Variants in BRINP3 observed in about 807,000 individuals in gnomAD.
BRINP3 encodes BMP/retinoic acid-inducible neural-specific protein 3.
A neutral mutation model predicts 71.0 loss-of-function variants in BRINP3; 19 were observed. The observed-to-expected ratio is 0.27, with a 90% CI of 0.19 to 0.39. BRINP3 has a LOEUF of 0.39. Ranked by LOEUF, BRINP3 falls within the 10% of genes least tolerant of loss-of-function variation. BRINP3 has a pLI of 1.00. For missense variants in BRINP3, 959 were observed against 940.8 expected (o/e 1.02, Z -0.25); for synonymous variants, 380 against 337.7 (o/e 1.13, Z -1.37).
chr1:190,170,403 A>G (rs1239374149), intron 6 of BRINP3, among the ~76,000 whole-genome samples: 3 of 152,134 alleles, frequency 2.0e-5, no homozygotes, highest in Admixed American at 6.6e-5. Context: ...TTAAGTATAT[A>G]TTTCTTAAAT....
At chr1:190,291,531 G>A (rs996423705) in intron 2 of BRINP3, among the ~76,000 whole-genome samples, 1 of 152,060 alleles carries the variant, frequency 6.6e-6, no homozygotes, top group African/African-American at 2.4e-5. Context: ...AGATCTAAAA[G>A]TGGCCACCAT....
intron 2 of BRINP3, among the ~76,000 whole-genome samples, chr1:190,376,842 T>C (rs1670216110): frequency 6.6e-6 from 1 of 152,014 alleles, no homozygotes; most frequent in Admixed American, 6.6e-5. Context: ...AATGTTTGTG[T>C]TTGTTTTTAA....
At chr1:190,152,541 C>T (rs1390930298) in intron 7 of BRINP3, among the ~76,000 whole-genome samples, 21 of 131,566 alleles carry the variant, frequency 1.6e-4, no homozygotes, top group East Asian at 1.2e-3. Flanking sequence ...ACCCCCCCCC[C>T]GCCCCCCAAA....
In BRINP3 at chr1:190,226,164, G is replaced by A. The variant is rs1657358320; in HGVS notation, c.879C>T (p.Ser293=). The A allele has an allele frequency of 5.0e-6, 8 of 1,612,386 alleles. No homozygotes were observed. Among genetic ancestry groups the A allele is most frequent in the Non-Finnish European group, 6.8e-6 (8 of 1,179,036 alleles). Residue 293 remains serine, a synonymous_variant, in exon 6 of 8, where the codon TCC becomes TCT. Coordinates refer to ENST00000367462, the MANE Select transcript of BRINP3 (RefSeq NM_199051.3). ...TCTCTTCCATGGCTTGAATGTCCAT[G>A]GAGGGGCAGTTGCATTCTGGAAATT... is the stretch of plus-strand genomic sequence containing the variant. The part of the protein sequence containing the change: ...GPKFPECNCP[S]MDIQAMEENL...
At chr1:190,375,377 G>A (rs951716338) in intron 2 of BRINP3, among the ~76,000 whole-genome samples, 2 of 151,788 alleles carry the variant, frequency 1.3e-5, no homozygotes, top group South Asian at 2.1e-4. Context: ...CTGGAAAAGA[G>A]CACTCTAACT....
At chr1:190,289,439 G>T (rs2102961525) in intron 2 of BRINP3, among the ~76,000 whole-genome samples, 1 of 151,978 alleles carries the variant, frequency 6.6e-6, no homozygotes, top group Non-Finnish European at 1.5e-5. Context: ...ATATACATCA[G>T]ATAGGGAGAC....
chr1:190,470,359 G>T (rs1354821884), intron 1 of BRINP3, among the ~76,000 whole-genome samples: 6 of 150,936 alleles, frequency 4.0e-5, no homozygotes, highest in Admixed American at 6.6e-5. Flanking sequence ...AAATTCTAAT[G>T]TAATGTTCAT....
intron 1 of BRINP3, among the ~76,000 whole-genome samples, chr1:190,470,659 A>T (rs1005742141): frequency 6.6e-6 from 1 of 151,174 alleles, no homozygotes; most frequent in Non-Finnish European, 1.5e-5. Flanking sequence ...AAATAGAAGA[A>T]TGAGAATCTA....
At chr1:190,293,360 T>G (rs1013365778) in intron 2 of BRINP3, among the ~76,000 whole-genome samples, 15 of 152,184 alleles carry the variant, frequency 9.9e-5, no homozygotes. Context: ...ATTTCTAGTT[T>G]TAGTCCATTA....
intron 7 of BRINP3, among the ~76,000 whole-genome samples, chr1:190,114,518 G>T (rs1652963102): frequency 6.8e-6 from 1 of 146,802 alleles, no homozygotes; most frequent in Admixed American, 6.8e-5. Flanking sequence ...TTAGAAATAA[G>T]TTTGCCACTG....
chr1:190,247,505 T>G (rs2102798239), intron 4 of BRINP3, among the ~76,000 whole-genome samples: 1 of 152,022 alleles, frequency 6.6e-6, no homozygotes, highest in Middle Eastern at 3.4e-3. Flanking sequence ...TATTGGATTT[T>G]TGAAAATATA....
chr1:190,440,851 C>G (rs1199800276), intron 2 of BRINP3, among the ~76,000 whole-genome samples: 1 of 151,754 alleles, frequency 6.6e-6, no homozygotes, highest in Non-Finnish European at 1.5e-5. Context: ...AAAGTCACAA[C>G]CTAAGTAAAC....
intron 6 of BRINP3, among the ~76,000 whole-genome samples, chr1:190,206,975 T>G (rs1655558449): frequency 6.6e-6 from 1 of 150,750 alleles, no homozygotes; most frequent in African/African-American, 2.4e-5. Flanking sequence ...GGGTTTTTTT[T>G]TTGTTTTGTT....
intron 4 of BRINP3, among the ~76,000 whole-genome samples, chr1:190,263,660 G>T (rs994588387): frequency 7.1e-5 from 10 of 141,306 alleles, no homozygotes; most frequent in Non-Finnish European, 1.5e-4. Context: ...TGTGATCTCC[G>T]CTCACTGCAA....
At chr1:190,383,594 T>C (rs1670689048) in intron 2 of BRINP3, among the ~76,000 whole-genome samples, 1 of 151,998 alleles carries the variant, frequency 6.6e-6, no homozygotes, top group Admixed American at 6.6e-5. Flanking sequence ...GAAACATGAG[T>C]AGTGAAATAA....
At position 190,206,034 on chromosome 1, in the gene BRINP3, T is replaced by C. The variant is rs759266164; in HGVS notation, c.961+20048A>G. Among the ~76,000 whole-genome samples, 3 of 152,030 alleles carry C rather than the reference T, an allele frequency of 2.0e-5. No homozygotes were observed. The East Asian group carries it at 5.8e-4, about 29-fold the overall frequency. Reference sequence around the variant, plus strand: ...ACCAGGCTTAAAAAAGAAATCCTACTATATTGCTGCTTAGGTGGAAATCTT... The same window carrying C: ...ACCAGGCTTAAAAAAGAAATCCTACCATATTGCTGCTTAGGTGGAAATCTT... On this transcript the variant is annotated intron_variant, in intron 6 of 7. Coordinates refer to ENST00000367462, the MANE Select transcript of BRINP3 (RefSeq NM_199051.3).
chr1:190,108,933 A>G (rs1386230564), intron 7 of BRINP3, among the ~76,000 whole-genome samples: 1 of 152,118 alleles, frequency 6.6e-6, no homozygotes, highest in Non-Finnish European at 1.5e-5. Flanking sequence ...ATCAGCTGGC[A>G]GGAAGATAGA....
chr1:190,400,279 G>A (rs967835335), intron 2 of BRINP3, among the ~76,000 whole-genome samples: 3 of 152,074 alleles, frequency 2.0e-5, no homozygotes, highest in Non-Finnish European at 4.4e-5. Context: ...AGAATTGTAA[G>A]CTATAACTTA....
chr1:190,276,605 G>A (rs1395929026), intron 3 of BRINP3, among the ~76,000 whole-genome samples: 2 of 149,990 alleles, frequency 1.3e-5, no homozygotes, highest in African/African-American at 4.9e-5. Context: ...TTAGATAAGT[G>A]AACTACATTG....
Sources: allele counts gnomAD v4.1 joint callset (sites outside exome capture counted in the v4.1 genomes callset), GRCh38; gene constraint gnomAD v4.1.1; transcripts MANE v1.5; gene names NCBI Gene and HGNC (gene_info 2026-07-23, HGNC 2026-07-21).